Variants in TRABD2B observed in about 807,000 individuals in gnomAD.
TRABD2B encodes the protein metalloprotease TIKI2.
Under a neutral mutation model 40.1 loss-of-function variants are expected in TRABD2B, and 14 were observed. The ratio of observed to expected loss-of-function variants is 0.35; its 90% CI spans 0.23 to 0.55. The LOEUF is 0.55. Ranked by LOEUF, TRABD2B falls within the 20% of genes least tolerant of loss-of-function variation. TRABD2B has a pLI of 0.90. For synonymous variants in TRABD2B, 263 were observed against 277.0 expected, an observed-to-expected ratio of 0.95 and a Z score of 0.50; for missense variants, 541 against 648.6, an observed-to-expected ratio of 0.83 and a Z score of 1.80.
chr1:47,836,875 G>A (rs1455134274), intron 2 of TRABD2B, among the ~76,000 whole-genome samples: 3 of 152,166 alleles, frequency 2.0e-5, no homozygotes, highest in African/African-American at 7.2e-5. Context: ...GAATATGCTG[G>A]TGCCTTGATC....
chr1:47,865,738 G>T (rs1358271767), intron 2 of TRABD2B, among the ~76,000 whole-genome samples: 1 of 152,056 alleles, frequency 6.6e-6, no homozygotes, highest in Non-Finnish European at 1.5e-5. Flanking sequence ...CATCCTAGGC[G>T]CTTGTCACAT....
chr1:47,940,174 T>C (rs1383356330), intron 2 of TRABD2B, among the ~76,000 whole-genome samples: 29 of 152,180 alleles, frequency 1.9e-4, no homozygotes, highest in Non-Finnish European at 7.3e-5. Context: ...CTCTGTCCTA[T>C]CCGTAAACTC....
chr1:47,796,012 A>G (rs551070541), intron 3 of TRABD2B, among the ~76,000 whole-genome samples: 1 of 152,112 alleles, frequency 6.6e-6, no homozygotes, highest in Non-Finnish European at 1.5e-5. Flanking sequence ...CTGGCCCCCA[A>G]CAGCCGGCAC....
At chr1:47,874,213 C>G (rs894034055) in intron 2 of TRABD2B, among the ~76,000 whole-genome samples, 2 of 150,942 alleles carry the variant, frequency 1.3e-5, no homozygotes, top group African/African-American at 4.9e-5. Flanking sequence ...ATTCTGTTCC[C>G]TAACTCCCAG....
chr1:47,994,674 G>A lies in TRABD2B; in HGVS notation c.103-77C>T. On this transcript the variant is annotated intron_variant, in intron 1 of 6. Transcript: ENST00000606738. The surrounding 1 kb of genome is among the most constrained non-coding windows in gnomAD (Gnocchi z 6.7). ...AGTCAGGGTAGCCCAGAGGCACGTT[G>A]CAGAGGGAGGTGGGGATGGGAGGCA... is the stretch of plus-strand genomic sequence containing the variant. The A allele has an allele frequency of 1.5e-6, 2 of 1,332,240 alleles. No individual in the cohort carries two copies. The highest frequency in any genetic ancestry group is 2.0e-6 in the Non-Finnish European group (2 of 986,504). The allele number at this position is 1,332,240 out of a possible 1,614,324, so 82.5% of individuals were successfully genotyped here.
chr1:47,817,210 C>T (rs953835779), intron 2 of TRABD2B, among the ~76,000 whole-genome samples: 1 of 152,052 alleles, frequency 6.6e-6, no homozygotes, highest in Non-Finnish European at 1.5e-5. Context: ...TTCCATCCCC[C>T]CCAACACCCC....
intron 2 of TRABD2B, among the ~76,000 whole-genome samples, chr1:47,932,527 C>T (rs898385440): frequency 6.6e-6 from 1 of 152,066 alleles, no homozygotes; most frequent in Non-Finnish European, 1.5e-5. Context: ...ATGGGAGATC[C>T]TATAGCATGT....
At chr1:47,811,064 G>A (rs1225677870) in intron 2 of TRABD2B, among the ~76,000 whole-genome samples, 2 of 152,182 alleles carry the variant, frequency 1.3e-5, no homozygotes, top group African/African-American at 4.8e-5. Flanking sequence ...GTCATAGTGA[G>A]GTGGGTGGTG....
chr1:47,891,264 A>G (rs1372048703), intron 2 of TRABD2B, among the ~76,000 whole-genome samples: 1 of 152,252 alleles, frequency 6.6e-6, no homozygotes, highest in Non-Finnish European at 1.5e-5. Context: ...CATAGAGCTT[A>G]CATTTTAGCA....
At chr1:47,809,098 C>T (rs1644929159) in intron 2 of TRABD2B, among the ~76,000 whole-genome samples, 1 of 152,120 alleles carries the variant, frequency 6.6e-6, no homozygotes, top group Non-Finnish European at 1.5e-5. Context: ...AACCTCTCTC[C>T]ATCTACCAGC....
At chr1:47,811,910 C>T (rs1460823658) in intron 2 of TRABD2B, among the ~76,000 whole-genome samples, 1 of 152,186 alleles carries the variant, frequency 6.6e-6, no homozygotes, top group African/African-American at 2.4e-5. Flanking sequence ...ACCTACCATC[C>T]CATGATTTCA....
intron 2 of TRABD2B, among the ~76,000 whole-genome samples, chr1:47,939,215 T>C (rs554360159): frequency 6.6e-6 from 1 of 151,968 alleles, no homozygotes; most frequent in African/African-American, 2.4e-5. Context: ...GAAGATGGGA[T>C]TGAAAGCACA....
chr1:47,978,072 G>A (rs556491890), intron 2 of TRABD2B, among the ~76,000 whole-genome samples: 9 of 152,122 alleles, frequency 5.9e-5, no homozygotes, highest in African/African-American at 9.6e-5. Context: ...AAATTTATAC[G>A]TTGAAACCTA....
At chr1:47,843,915 T>C (rs10890507) in intron 2 of TRABD2B, among the ~76,000 whole-genome samples, 54,803 of 151,606 alleles carry the variant, frequency 0.36, 10,174 homozygotes, top group Admixed American at 0.42. Context: ...TTTTTGGAAA[T>C]GGAATGGCCA....
rs1198700942 is a variant in TRABD2B at position 47,960,695 on chromosome 1, CT to C, written c.666+33338del. Among the ~76,000 whole-genome samples the C allele has an allele frequency of 7.2e-5, 11 of 152,196 alleles. No homozygotes were observed. In the South Asian group the frequency reaches 1.9e-3, roughly 26 times the overall value. On this transcript the variant is annotated intron_variant, in intron 2 of 6. Coordinates refer to ENST00000606738, the MANE Select transcript of TRABD2B (RefSeq NM_001194986.2). The stretch of plus-strand genomic sequence containing the variant: ...CTTCAAGGAGAACTACAAACCACTG[CT>C]CAAGGAAATAAAAGAGGACCCAAAC...
At chr1:47,794,790 GTTTTTTTT>G (rs555844964) in intron 3 of TRABD2B, 30 bp from the exon 4 acceptor site, 12 of 1,145,182 alleles carry the variant, frequency 1.0e-5, no homozygotes, top group South Asian at 1.9e-5. Context: ...GCTGCCTTCA[GTTTTTTTT>G]TTTTTTTTTT....
chr1:47,990,767 G>C lies in TRABD2B; in HGVS notation c.666+3267C>G, dbSNP rs1291116502. Among the ~76,000 whole-genome samples the C allele has an allele frequency of 9.6e-4, 64 of 66,640 alleles. 3 individuals are homozygous for C. Among genetic ancestry groups the C allele is most frequent in the African/African-American group, 3.2e-3 (53 of 16,614 alleles). 43.7% of individuals were successfully genotyped at this position (66,640 alleles called of 152,430 possible). On this transcript the variant is annotated intron_variant, in intron 2 of 6. Transcript: ENST00000606738. ...TACAAGTTGTTGGTTTTAAAACGTT[G>C]GTTTTATATATATATATATATATAT...
chr1:47,890,339 C>T (rs934164868), intron 2 of TRABD2B, among the ~76,000 whole-genome samples: 17 of 152,120 alleles, frequency 1.1e-4, no homozygotes, highest in Admixed American at 3.3e-4. Context: ...TAGCAATGGC[C>T]ATGACCAGCG....
At chr1:47,766,593 G>A (rs1644306919) in intron 6 of TRABD2B, among the ~76,000 whole-genome samples, 1 of 152,200 alleles carries the variant, frequency 6.6e-6, no homozygotes, top group Admixed American at 6.5e-5. Flanking sequence ...TCCATCATGA[G>A]CTCAGCACTT....
Sources: gnomAD v4.1 joint callset for allele counts (sites outside exome capture counted in the v4.1 genomes callset) on GRCh38, gnomAD v4.1.1 for gene constraint, Gnocchi (gnomAD v3.1) non-coding constraint, MANE v1.5 for transcripts, NCBI Gene and HGNC (gene_info 2026-07-23, HGNC 2026-07-21) for gene names.